TRDN: variants seen among roughly 807,000 people sequenced by gnomAD.
TRDN encodes the protein triadin.
Under a neutral mutation model 149.7 loss-of-function variants are expected in TRDN, and 161 were observed. That is an observed-to-expected ratio of 1.08 (90% confidence interval 0.95 to 1.23). The LOEUF (loss-of-function observed/expected upper bound fraction) is 1.23. TRDN is among the 50% of genes most tolerant of loss of function. The pLI, the probability that TRDN is intolerant of heterozygous loss-of-function variation, is 0.00. For synonymous variants in TRDN, 294 were observed against 250.5 expected (o/e 1.17, Z -1.64); for missense variants, 896 against 823.5 (o/e 1.09, Z -1.08).
In TRDN at chr6:123,547,444, C is replaced by A. The variant is rs897016282; in HGVS notation, c.392-72G>T. The A allele has an allele frequency of 1.0e-5, 9 of 875,614 alleles. No individual in the cohort carries two copies. In the African/African-American group the frequency reaches 1.1e-4, roughly 10 times the overall value. The allele number at this position is 875,614 out of a possible 1,614,324, so 54.2% of individuals were successfully genotyped here. A position where few individuals can be genotyped will look rare whatever the true frequency, so the allele number is the denominator to read the frequency against. On this transcript the variant is annotated intron_variant, in intron 3 of 40. Coordinates refer to ENST00000334268, the MANE Select transcript of TRDN (RefSeq NM_006073.4). ...TAGAATAATATGACATCATTATTTT[C>A]CCCTTTTGTTTATTTAAAAAAATCT...
chr6:123,622,623 C>T (rs1239903667), intron 1 of TRDN, among the ~76,000 whole-genome samples: 1 of 152,044 alleles, frequency 6.6e-6, no homozygotes, highest in Non-Finnish European at 1.5e-5. Context: ...TTTTTAAACA[C>T]TGAACTGAGG....
chr6:123,316,402 T>C, intron 24 of TRDN, 55 bp downstream of exon 24: 1 of 1,539,438 alleles, frequency 6.5e-7, no homozygotes, highest in Non-Finnish European at 9.0e-7. Context: ...AAACTAGCTT[T>C]CTTCCAACCA....
chr6:123,615,863 A>AT (rs781306039), intron 1 of TRDN, among the ~76,000 whole-genome samples: 1 of 152,140 alleles, frequency 6.6e-6, no homozygotes, highest in Non-Finnish European at 1.5e-5. Flanking sequence ...ATTAACAACA[A>AT]TTTTTTGCAT....
At chr6:123,580,724 G>GTA (rs1283650084) in intron 1 of TRDN, among the ~76,000 whole-genome samples, 1 of 152,118 alleles carries the variant, frequency 6.6e-6, no homozygotes, top group Non-Finnish European at 1.5e-5. Flanking sequence ...CAACAACCTT[G>GTA]TATAAATAAT....
chr6:123,310,551 A>T (rs1440791056), intron 24 of TRDN, among the ~76,000 whole-genome samples: 1 of 152,070 alleles, frequency 6.6e-6, no homozygotes, highest in Non-Finnish European at 1.5e-5. Flanking sequence ...TCATAATTGA[A>T]GAAAAAATGA....
chr6:123,494,517 A>G (rs1396612500), intron 9 of TRDN, among the ~76,000 whole-genome samples: 1 of 152,254 alleles, frequency 6.6e-6, no homozygotes, highest in African/African-American at 2.4e-5. Flanking sequence ...CAGAAAACAG[A>G]TAATTTTCTT....
At chr6:123,515,304 A>G (rs1263269943) in intron 6 of TRDN, among the ~76,000 whole-genome samples, 1 of 152,046 alleles carries the variant, frequency 6.6e-6, no homozygotes, top group African/African-American at 2.4e-5. Context: ...AAAGAGATAG[A>G]TATCATAAGA....
At chr6:123,510,230 A>G (rs891945320) in intron 7 of TRDN, 1 of 152,166 alleles carries the variant, frequency 6.6e-6, no homozygotes, top group Admixed American at 6.6e-5. Context: ...ACTTTAATAA[A>G]ATGATATTTG....
At chr6:123,628,414 G>A (rs962847671) in intron 1 of TRDN, among the ~76,000 whole-genome samples, 1 of 151,704 alleles carries the variant, frequency 6.6e-6, no homozygotes, top group Non-Finnish European at 1.5e-5. Context: ...CTTATATAGG[G>A]GCAGCTTGTG....
chr6:123,393,661 A>G lies in TRDN; in HGVS notation c.1068T>C (p.Ser356=), dbSNP rs1429401921. 6.2e-7 allele frequency: 1 copy of G among 1,607,192 alleles called. No individual in the cohort carries two copies. The highest frequency in any genetic ancestry group is 2.2e-5 in the East Asian group (1 of 44,790). ...DVEKKEPGKA[S]ETKQGTVKIA... Reference sequence around the variant, plus strand: ...TTTTTACAGTCCCTTGTTTGGTTTCAGAAGCTTTTCCCGGCTCTTGGAATG... The same window carrying G: ...TTTTTACAGTCCCTTGTTTGGTTTCGGAAGCTTTTCCCGGCTCTTGGAATG... Residue 356 remains serine, a synonymous_variant, in exon 13 of 41, where the codon TCT becomes TCC. Coordinates refer to ENST00000334268, the MANE Select transcript of TRDN (RefSeq NM_006073.4).
rs969805428 is a variant in TRDN, at chr6:123,314,360, G to C, written c.1510+2097C>G. Among the ~76,000 whole-genome samples the C allele has an allele frequency of 6.6e-5, 10 of 151,954 alleles. No homozygotes were observed. The East Asian group carries it at 1.9e-3, about 29-fold the overall frequency. ...GTCTAAAAGTAACAGATACCGATGAGGTTGTGGAGAAAAAGGAACGCATAT... is the reference window on the plus strand; with the variant it reads ...GTCTAAAAGTAACAGATACCGATGACGTTGTGGAGAAAAAGGAACGCATAT... On this transcript the variant is annotated intron_variant, in intron 24 of 40. Coordinates refer to ENST00000334268, the MANE Select transcript of TRDN (RefSeq NM_006073.4).
chr6:123,616,731 C>G (rs1261997100), intron 1 of TRDN, among the ~76,000 whole-genome samples: 2 of 152,148 alleles, frequency 1.3e-5, no homozygotes, highest in Non-Finnish European at 2.9e-5. Flanking sequence ...AACTTGCTTT[C>G]CTGCAAACCT....
At chr6:123,418,477 T>C (rs1241822006) in intron 12 of TRDN, 1 of 152,028 alleles carries the variant, frequency 6.6e-6, no homozygotes, top group Non-Finnish European at 1.5e-5. Flanking sequence ...TGCTCCAACA[T>C]AGGCAATGAT....
chr6:123,332,094 G>C (rs1046599584), intron 22 of TRDN, among the ~76,000 whole-genome samples, 165 bp from the exon 23 acceptor site: 2 of 151,978 alleles, frequency 1.3e-5, no homozygotes, highest in African/African-American at 4.8e-5. Flanking sequence ...AGAAACAACA[G>C]TATAGAATAC....
At chr6:123,290,913 T>C (rs1268142237) in intron 24 of TRDN, among the ~76,000 whole-genome samples, 2 of 152,124 alleles carry the variant, frequency 1.3e-5, no homozygotes, top group African/African-American at 4.8e-5. Flanking sequence ...TCTCAGCACT[T>C]TGGTAGGCTG....
At chr6:123,430,051 C>T (rs1362539919) in intron 12 of TRDN, among the ~76,000 whole-genome samples, 1 of 152,102 alleles carries the variant, frequency 6.6e-6, no homozygotes, top group Non-Finnish European at 1.5e-5. Context: ...AGGAAGATCA[C>T]TTTAGTCCAG....
intron 2 of TRDN, among the ~76,000 whole-genome samples, chr6:123,564,082 T>A (rs946707066): frequency 1.3e-5 from 2 of 152,236 alleles, no homozygotes; most frequent in Admixed American, 6.5e-5. Flanking sequence ...TTTTTCCTCA[T>A]TTCATGAAGA....
intron 5 of TRDN, among the ~76,000 whole-genome samples, chr6:123,527,590 C>T (rs533214974): frequency 1.6e-3 from 243 of 152,044 alleles, no homozygotes; most frequent in Non-Finnish European, 2.4e-3. Flanking sequence ...CTCAAAACTA[C>T]TCCATTGTGG....
At chr6:123,561,785 T>C (rs759031940) in intron 2 of TRDN, among the ~76,000 whole-genome samples, 4 of 151,994 alleles carry the variant, frequency 2.6e-5, no homozygotes, top group Non-Finnish European at 5.9e-5. Context: ...GCTTAATCTC[T>C]CCCACTCTAG....
Sources: gnomAD v4.1 joint callset for allele counts (sites outside exome capture counted in the v4.1 genomes callset) on GRCh38, gnomAD v4.1.1 for gene constraint, MANE v1.5 for transcripts, NCBI Gene and HGNC (gene_info 2026-07-23, HGNC 2026-07-21) for gene names.